The following SLC22A23 variants were observed in gnomAD, a reference collection of about 807,000 sequenced individuals.
SLC22A23 encodes ion transporter protein.
Under a neutral mutation model 61.0 loss-of-function variants are expected in SLC22A23, and 26 were observed. The ratio of observed to expected loss-of-function variants is 0.43; its 90% CI spans 0.31 to 0.59. The LOEUF is 0.59. Among genes scored for constraint, SLC22A23 ranks in the 20% least tolerant of loss-of-function variants. The pLI, the probability that SLC22A23 is intolerant of heterozygous loss-of-function variation, is 0.11. For synonymous variants in SLC22A23, 430 were observed against 413.9 expected, an observed-to-expected ratio of 1.04 and a Z score of -0.47; for missense variants, 796 against 934.7, an observed-to-expected ratio of 0.85 and a Z score of 1.94.
intron 3 of SLC22A23, among the ~76,000 whole-genome samples, chr6:3,334,961 C>T (rs1003587297): frequency 2.0e-5 from 3 of 152,158 alleles, no homozygotes; most frequent in Non-Finnish European, 4.4e-5. Context: ...ACCATATTGC[C>T]TTTGGAGAAT....
chr6:3,397,926 C>A (rs540249626), intron 3 of SLC22A23, among the ~76,000 whole-genome samples: 1 of 152,218 alleles, frequency 6.6e-6, no homozygotes, highest in Non-Finnish European at 1.5e-5. Flanking sequence ...GTCAGCCCAA[C>A]GGGGAGCAAA....
rs60880355 is a variant in SLC22A23 at position 3,414,721 on chromosome 6, C to CAAAA, written c.758+1027_758+1030dup. Among the ~76,000 whole-genome samples, 6 of 89,484 alleles carry CAAAA rather than the reference C, an allele frequency of 6.7e-5. No homozygotes were observed. Among genetic ancestry groups the CAAAA allele is most frequent in the South Asian group, 4.9e-4 (1 of 2,052 alleles). The allele number at this position is 89,484 out of a possible 152,430, so 58.7% of individuals were successfully genotyped here. On this transcript the variant is annotated intron_variant, in intron 2 of 9. Coordinates refer to ENST00000406686, the MANE Select transcript of SLC22A23 (RefSeq NM_015482.2). This position sits in a 1 kb window ranked among gnomAD's most constrained non-coding sequence, Gnocchi z 5.1. ...TCAAGGCCAAGATGTCTCGATTCAC[C>CAAAA]AAAAAAAAAAAAAAAAAAAAAAATC...
At chr6:3,298,997 T>A (rs1303005936) in intron 4 of SLC22A23, among the ~76,000 whole-genome samples, 34 of 134,854 alleles carry the variant, frequency 2.5e-4, no homozygotes, top group African/African-American at 6.9e-4. Context: ...AAAAAAAAAA[T>A]GTTCCCAACA....
At chr6:3,278,685 G>C (rs1259944577) in intron 9 of SLC22A23, among the ~76,000 whole-genome samples, 1 of 152,194 alleles carries the variant, frequency 6.6e-6, no homozygotes, top group Non-Finnish European at 1.5e-5. Flanking sequence ...TGAGCAATAA[G>C]ACCAAATCCT....
chr6:3,279,633 AAG>A lies in SLC22A23; in HGVS notation c.1703+4217_1703+4218del, dbSNP rs368974012. On this transcript the variant is annotated intron_variant, in intron 9 of 9. Transcript: ENST00000406686. The stretch of plus-strand genomic sequence containing the variant: ...TTTTTCTCTCTTGAAATCTCAGAGA[AAG>A]AGATTGTTACATCCTTGGTTTTAAG... Among the ~76,000 whole-genome samples, 103 of 151,850 alleles carry A rather than the reference AAG, an allele frequency of 6.8e-4. 1 individual carries two copies. The highest frequency in any genetic ancestry group is 2.4e-3 in the African/African-American group (100 of 41,432).
chr6:3,376,693 G>C (rs1246779149), intron 3 of SLC22A23, among the ~76,000 whole-genome samples: 1 of 152,084 alleles, frequency 6.6e-6, no homozygotes, highest in African/African-American at 2.4e-5. Context: ...CACTGTATTA[G>C]GTCATTTGGA....
intron 4 of SLC22A23, among the ~76,000 whole-genome samples, chr6:3,307,513 A>T (rs969735898): frequency 6.6e-6 from 1 of 152,246 alleles, no homozygotes; most frequent in Admixed American, 6.5e-5. Context: ...TTTAGCCTTC[A>T]CTTGTCCCTC....
At chr6:3,363,762 T>TG (rs1765630301) in intron 3 of SLC22A23, among the ~76,000 whole-genome samples, 1 of 152,262 alleles carries the variant, frequency 6.6e-6, no homozygotes, top group South Asian at 2.1e-4. Flanking sequence ...GGGGTGGTGG[T>TG]GGGAGCTGCC....
At chr6:3,289,981 C>CTTTTTT (rs35568219) in intron 5 of SLC22A23, 115 bp from the exon 6 acceptor site, 3 of 449,516 alleles carry the variant, frequency 6.7e-6, no homozygotes, top group Non-Finnish European at 7.9e-6. Context: ...GAGAGAGAAG[C>CTTTTTT]TTTTTTTTTT....
chr6:3,342,361 C>T lies in SLC22A23; in HGVS notation c.914-18359G>A, dbSNP rs944113908. ...GAATACCTTACTTCATTTAGGCAAC[C>T]GAATACTAAAATTTGAAATTCAGAA... is the stretch of plus-strand genomic sequence containing the variant. On this transcript the variant is annotated intron_variant, in intron 3 of 9. Transcript: ENST00000406686. The surrounding 1 kb of genome is among the most constrained non-coding windows in gnomAD (Gnocchi z 4.0). 7.2e-5 allele frequency among the ~76,000 whole-genome samples: 11 copies of T among 152,076 alleles called. No homozygotes were observed. The South Asian group carries it at 1.5e-3, about 20-fold the overall frequency.
intron 3 of SLC22A23, among the ~76,000 whole-genome samples, chr6:3,338,836 T>A (rs1256374115): frequency 3.3e-5 from 5 of 152,224 alleles, no homozygotes; most frequent in Admixed American, 1.3e-4. Context: ...GATGTCACCT[T>A]TGGGGTTTCT....
At chr6:3,313,239 C>T (rs116301463) in intron 4 of SLC22A23, 1 of 152,212 alleles carries the variant, frequency 6.6e-6, no homozygotes, top group African/African-American at 2.4e-5. Context: ...CTTTTAATTG[C>T]TCCATTTTTA....
rs959456213 is a variant in SLC22A23 at position 3,327,314 on chromosome 6, T to C, written c.914-3312A>G. Among the ~76,000 whole-genome samples the C allele has an allele frequency of 1.3e-5, 2 of 152,258 alleles. No homozygotes were observed. Among genetic ancestry groups the C allele is most frequent in the African/African-American group, 4.8e-5 (2 of 41,474 alleles). ...CACAGTGCCCGTGGAAGACCTTGGC[T>C]GGCAGCTGTGTCCCGGTACTTACTA... On this transcript the variant is annotated intron_variant, in intron 3 of 9. Coordinates refer to ENST00000406686, the MANE Select transcript of SLC22A23 (RefSeq NM_015482.2). The surrounding 1 kb of genome is among the most constrained non-coding windows in gnomAD (Gnocchi z 4.1).
intron 1 of SLC22A23, among the ~76,000 whole-genome samples, chr6:3,428,568 C>G (rs551448430): frequency 6.6e-6 from 1 of 152,342 alleles, no homozygotes; most frequent in East Asian, 1.9e-4. Flanking sequence ...TGCAGCAGAG[C>G]GGGCTTGACA....
At chr6:3,393,975 C>G (rs1184753902) in intron 3 of SLC22A23, among the ~76,000 whole-genome samples, 1 of 152,148 alleles carries the variant, frequency 6.6e-6, no homozygotes, top group Non-Finnish European at 1.5e-5. Flanking sequence ...TTCGCTTCTA[C>G]CGTCACAAGG....
chr6:3,388,912 G>C (rs1290776280), intron 3 of SLC22A23, among the ~76,000 whole-genome samples: 1 of 152,150 alleles, frequency 6.6e-6, no homozygotes, highest in Non-Finnish European at 1.5e-5. Flanking sequence ...GGGGCTGTGG[G>C]GAGGGGGAAT....
intron 4 of SLC22A23, chr6:3,313,085 G>A (rs1016956593): frequency 1.3e-5 from 2 of 152,184 alleles, no homozygotes; most frequent in African/African-American, 4.8e-5. Context: ...GAGTCTCTCC[G>A]CTTCTCCTTG....
intron 3 of SLC22A23, among the ~76,000 whole-genome samples, chr6:3,338,971 G>A (rs1054350137): frequency 6.6e-6 from 1 of 152,214 alleles, no homozygotes; most frequent in Non-Finnish European, 1.5e-5. Flanking sequence ...AACGGAGAAA[G>A]TAACCCCAAG....
At position 3,456,514 on chromosome 6, in the gene SLC22A23, G is replaced by T. The variant is rs943714193; in HGVS notation, c.46C>A (p.Arg16=). ...RREAAGGGPG[R]QPAPAEENGS... Reference sequence around the variant, plus strand: ...TTCTCCTCGGCCGGGGCCGGCTGCCGCCCAGGCCCGCCGCCCGCCGCCTCG... The same window carrying T: ...TTCTCCTCGGCCGGGGCCGGCTGCCTCCCAGGCCCGCCGCCCGCCGCCTCG... Residue 16 remains arginine (R), a synonymous_variant, in exon 1 of 10, where the codon CGG becomes AGG. Coordinates refer to ENST00000406686, the MANE Select transcript of SLC22A23 (RefSeq NM_015482.2). The surrounding 1 kb of genome is among the most constrained non-coding windows in gnomAD (Gnocchi z 7.1). The T allele has an allele frequency of 9.0e-5, 90 of 997,336 alleles. No individual in the cohort carries two copies. The highest frequency in any genetic ancestry group is 1.0e-4 in the Non-Finnish European group (84 of 839,924). The allele number at this position is 997,336 out of a possible 1,614,324, so 61.8% of individuals were successfully genotyped here.
Sources: allele counts gnomAD v4.1 joint callset (sites outside exome capture counted in the v4.1 genomes callset), GRCh38; gene constraint gnomAD v4.1.1; non-coding constraint Gnocchi (gnomAD v3.1); transcripts MANE v1.5; gene names NCBI Gene and HGNC (gene_info 2026-07-23, HGNC 2026-07-21).